The following GLRA3 variants were observed in gnomAD, a reference collection of about 807,000 sequenced individuals.
GLRA3 encodes glycine receptor alpha 3, also known as glycine receptor subunit alpha-3.
GLRA3 carries 44 observed loss-of-function variants against 60.4 expected under a neutral mutation model. The ratio of observed to expected loss-of-function variants is 0.73; its 90% CI spans 0.57 to 0.94. The LOEUF (loss-of-function observed/expected upper bound fraction) is 0.94, where lower values mean the gene tolerates loss of function less well. Among genes scored for constraint, GLRA3 ranks in the 40% least tolerant of loss-of-function variants. The pLI, the probability that GLRA3 is intolerant of heterozygous loss-of-function variation, is 0.00. For synonymous variants in GLRA3, 223 were observed against 192.9 expected (o/e 1.16, Z -1.29); for missense variants, 508 against 564.6 (o/e 0.90, Z 1.02).
At chr4:174,795,865 G>A (rs938771698) in intron 1 of GLRA3, among the ~76,000 whole-genome samples, 2 of 152,088 alleles carry the variant, frequency 1.3e-5, no homozygotes, top group Admixed American at 6.6e-5. Context: ...TAAATGATCC[G>A]TTGGTTCCCT....
chr4:174,787,941 G>T (rs1450276092), intron 2 of GLRA3, among the ~76,000 whole-genome samples: 1 of 151,946 alleles, frequency 6.6e-6, no homozygotes, highest in Non-Finnish European at 1.5e-5. Context: ...TTCACCCACT[G>T]CTAAGCATTT....
At chr4:174,751,749 T>C (rs2111197295) in intron 3 of GLRA3, among the ~76,000 whole-genome samples, 1 of 152,128 alleles carries the variant, frequency 6.6e-6, no homozygotes, top group South Asian at 2.1e-4. Flanking sequence ...AGAGCACACA[T>C]TATTTTCAAA....
intron 9 of GLRA3, among the ~76,000 whole-genome samples, chr4:174,650,065 C>A (rs973806117): frequency 6.6e-6 from 1 of 152,090 alleles, no homozygotes; most frequent in Non-Finnish European, 1.5e-5. Flanking sequence ...TGACTAGGTA[C>A]GGGTGGCTAA....
intron 3 of GLRA3, among the ~76,000 whole-genome samples, chr4:174,755,279 G>A (rs573728091): frequency 6.6e-5 from 10 of 152,104 alleles, no homozygotes; most frequent in African/African-American, 2.2e-4. Flanking sequence ...TGAGCATGTC[G>A]CTAGCTGTTA....
At chr4:174,645,429 AAAAAAAAAAG>A (rs1377786473) in intron 9 of GLRA3, among the ~76,000 whole-genome samples, 1 of 150,708 alleles carries the variant, frequency 6.6e-6, no homozygotes. Flanking sequence ...CCAAAAAAAA[AAAAAAAAAAG>A]AAAATGATGT....
intron 4 of GLRA3, among the ~76,000 whole-genome samples, chr4:174,724,414 G>A (rs889346510): frequency 1.1e-4 from 16 of 152,066 alleles, no homozygotes; most frequent in Non-Finnish European, 1.9e-4. Context: ...TGTGACCACA[G>A]AAGGGCTATT....
At chr4:174,672,062 T>C (rs1733928513) in intron 7 of GLRA3, among the ~76,000 whole-genome samples, 1 of 152,210 alleles carries the variant, frequency 6.6e-6, no homozygotes, top group Admixed American at 6.5e-5. Context: ...CAGTTTTTGG[T>C]GCAGAATTTG....
chr4:174,696,537 C>T (rs985402896), intron 5 of GLRA3, among the ~76,000 whole-genome samples: 18 of 149,928 alleles, frequency 1.2e-4, no homozygotes, highest in Admixed American at 1.1e-3. Flanking sequence ...AAGGTTTAAA[C>T]AGGCAACTTA....
intron 3 of GLRA3, among the ~76,000 whole-genome samples, chr4:174,756,649 C>T (rs201618733): frequency 7.0e-5 from 10 of 142,540 alleles, no homozygotes; most frequent in Middle Eastern, 3.6e-3. Flanking sequence ...TCTTTTTTTT[C>T]TTTTTTTTTT....
intron 3 of GLRA3, among the ~76,000 whole-genome samples, chr4:174,732,338 A>C (rs1317775737): frequency 6.6e-6 from 1 of 151,620 alleles, no homozygotes; most frequent in African/African-American, 2.4e-5. Context: ...CTGGCGACAG[A>C]GCGAGACTCC....
At chr4:174,767,405 T>G (rs947164663) in intron 2 of GLRA3, among the ~76,000 whole-genome samples, 5 of 151,072 alleles carry the variant, frequency 3.3e-5, no homozygotes, top group Non-Finnish European at 7.4e-5. Flanking sequence ...ATGTCTTATA[T>G]TTTTTTTTGT....
chr4:174,732,283 A>G (rs1246476378), intron 3 of GLRA3, among the ~76,000 whole-genome samples: 1 of 151,612 alleles, frequency 6.6e-6, no homozygotes, highest in East Asian at 1.9e-4. Flanking sequence ...TGAACCCAGG[A>G]GGCGGAGCTT....
intron 1 of GLRA3, among the ~76,000 whole-genome samples, chr4:174,800,685 C>T (rs548224916): frequency 4.3e-4 from 65 of 152,188 alleles, no homozygotes; most frequent in African/African-American, 1.5e-3. Flanking sequence ...ACTTTAATTA[C>T]ACATACGCAC....
intron 3 of GLRA3, among the ~76,000 whole-genome samples, chr4:174,765,907 G>A (rs548532647): frequency 6.6e-6 from 1 of 151,250 alleles, no homozygotes; most frequent in African/African-American, 2.4e-5. Context: ...CAGAGATGCT[G>A]GTAAATGACT....
At chr4:174,754,958 T>C (rs1737633385) in intron 3 of GLRA3, among the ~76,000 whole-genome samples, 1 of 152,110 alleles carries the variant, frequency 6.6e-6, no homozygotes, top group African/African-American at 2.4e-5. Flanking sequence ...AGAAGAAAGA[T>C]TATAGAATTA....
At chr4:174,823,213 C>T (rs572280809) in intron 1 of GLRA3, among the ~76,000 whole-genome samples, 233 of 146,880 alleles carry the variant, frequency 1.6e-3, no homozygotes, top group Non-Finnish European at 2.5e-3. Context: ...CTGTACCATC[C>T]ACCTAATAAA....
chr4:174,740,157 G>T (rs1317737976), intron 3 of GLRA3, among the ~76,000 whole-genome samples: 3 of 152,000 alleles, frequency 2.0e-5, no homozygotes, highest in Non-Finnish European at 4.4e-5. Context: ...TGCTATAGTG[G>T]GACAAAAAAG....
intron 1 of GLRA3, among the ~76,000 whole-genome samples, chr4:174,797,087 T>A (rs1739601627): frequency 6.6e-6 from 1 of 152,140 alleles, no homozygotes; most frequent in Non-Finnish European, 1.5e-5. Context: ...GCCCACATCA[T>A]TTGTACACAC....
At position 174,682,837 on chromosome 4, in the gene GLRA3, T is replaced by C; in HGVS notation, c.677A>G (p.Lys226Arg). The C allele has an allele frequency of 1.9e-6, 3 of 1,613,330 alleles. No homozygotes were observed. The South Asian group carries it at 3.3e-5, about 18-fold the overall frequency. ...ATGTTTAGTGCAGTATCGTAAATCT[T>C]TTTCTTCTTTCAACAGAAACTGGGG... ...TLPQFLLKEE[K>R]DLRYCTKHYN... The change falls in exon 6 of 10, where the codon AAA becomes AGA. Residue 226 changes from lysine (K) to arginine (R), a missense_variant. This residue lies in a region of GLRA3 where 329 missense variants were observed against 349.3 expected (regional missense o/e 0.94). Transcript: ENST00000274093.
Sources: allele counts gnomAD v4.1 joint callset (sites outside exome capture counted in the v4.1 genomes callset), GRCh38; gene constraint gnomAD v4.1.1; regional missense constraint gnomAD v4.1.1; transcripts MANE v1.5; gene names NCBI Gene and HGNC (gene_info 2026-07-23, HGNC 2026-07-21).